TMEM185A: variants seen among roughly 807,000 people sequenced by gnomAD.
The protein encoded by TMEM185A is family with sequence similarity 11, member A.
In TMEM185A, 9 loss-of-function variants were observed where a neutral mutation model predicts 25.0. The ratio of observed to expected loss-of-function variants is 0.36; its 90% CI spans 0.22 to 0.63. The LOEUF is 0.63. Among genes scored for constraint, TMEM185A ranks in the 20% least tolerant of loss-of-function variants. TMEM185A has a pLI of 0.68. For missense variants in TMEM185A, 103 were observed against 237.4 expected (o/e 0.43, Z 3.72); for synonymous variants, 45 against 93.5 (o/e 0.48, Z 2.99).
intron 3 of TMEM185A, among the ~76,000 whole-genome samples, chrX:149,607,106 T>C (rs781948676): frequency 2.5e-4 from 28 of 111,850 alleles, no homozygotes; most frequent in African/African-American, 9.1e-4. Context: ...GGCCAAACCC[T>C]TCCTGGTGCT....
At chrX:149,614,646 A>T (rs1159026191) in intron 1 of TMEM185A, among the ~76,000 whole-genome samples, 1 of 111,948 alleles carries the variant, frequency 8.9e-6, no homozygotes, top group East Asian at 2.8e-4. Context: ...AATGAAACTA[A>T]AAGCAGTTTC....
At chrX:149,624,456 C>T (rs782057527) in intron 1 of TMEM185A, among the ~76,000 whole-genome samples, 10 of 112,186 alleles carry the variant, frequency 8.9e-5, no homozygotes, top group Non-Finnish European at 1.7e-4. Flanking sequence ...CATAAGAATG[C>T]AGCTGGACTC....
intron 1 of TMEM185A, among the ~76,000 whole-genome samples, chrX:149,622,734 T>G (rs1455284711): frequency 4.5e-5 from 5 of 111,743 alleles, no homozygotes; most frequent in African/African-American, 1.6e-4. Flanking sequence ...AGATGATGTA[T>G]CAACAAGTAA....
chrX:149,608,962 G>T (rs1270036727), intron 2 of TMEM185A, 128 bp from the exon 3 acceptor site: 16 of 596,118 alleles, frequency 2.7e-5, no homozygotes, highest in Middle Eastern at 4.9e-4. Flanking sequence ...AAAGCAAAGG[G>T]AAATCAGGTA....
At chrX:149,617,858 T>G (rs2090118469) in intron 1 of TMEM185A, among the ~76,000 whole-genome samples, 1 of 111,906 alleles carries the variant, frequency 8.9e-6, no homozygotes, top group Admixed American at 9.5e-5. Flanking sequence ...AGTAACAAAC[T>G]ATGGATGACA....
chrX:149,616,918 T>A (rs1557355092), intron 1 of TMEM185A, among the ~76,000 whole-genome samples: 1 of 112,534 alleles, frequency 8.9e-6, no homozygotes, highest in South Asian at 3.6e-4. Context: ...CACAATGTAG[T>A]ACTGGCATAA....
At chrX:149,609,844 A>C (rs1419229796) in intron 2 of TMEM185A, among the ~76,000 whole-genome samples, 1 of 112,453 alleles carries the variant, frequency 8.9e-6, no homozygotes, top group Admixed American at 9.4e-5. Flanking sequence ...GAGAAGTTTG[A>C]ATATATTCTA....
chrX:149,610,093 C>T (rs1240580902), intron 2 of TMEM185A, among the ~76,000 whole-genome samples: 2 of 111,282 alleles, frequency 1.8e-5, no homozygotes, highest in African/African-American at 6.6e-5. Context: ...ATGTAATTTA[C>T]ACAATCTGAA....
At position 149,608,690 on chromosome X, in the gene TMEM185A, G is replaced by A. The variant is rs1346489217; in HGVS notation, c.360C>T (p.Phe120=). 5 of 1,210,114 alleles carry A rather than the reference G, an allele frequency of 4.1e-6. No individual in the cohort carries two copies. The Admixed American group carries it at 1.1e-4, about 26-fold the overall frequency. ...HFWLLVFMPL[F]FVSPVSVAAC... is the part of the protein sequence containing the mutation. Reference sequence around the variant, plus strand: ...CTGCAACAGACACCGGGGAAACAAAGAACAGCGGCATGAAGACCAGGAGCC... The same window carrying A: ...CTGCAACAGACACCGGGGAAACAAAAAACAGCGGCATGAAGACCAGGAGCC... The change falls in exon 3 of 7, where the codon TTC becomes TTT. Residue 120 remains phenylalanine, a synonymous_variant. Coordinates refer to ENST00000600449, the MANE Select transcript of TMEM185A (RefSeq NM_032508.4).
intron 1 of TMEM185A, among the ~76,000 whole-genome samples, chrX:149,617,761 T>A (rs891158473): frequency 4.5e-5 from 5 of 112,291 alleles, no homozygotes; most frequent in Non-Finnish European, 9.4e-5. Context: ...TAATTGCCAC[T>A]GGTAACAACT....
rs2090048858 is a variant in TMEM185A, at chrX:149,605,908, A to G, written c.424-1838T>C. 4.5e-5 allele frequency among the ~76,000 whole-genome samples: 5 copies of G among 111,873 alleles called. No individual in the cohort carries two copies. In the South Asian group the frequency reaches 1.1e-3, roughly 25 times the overall value. On this transcript the variant is annotated intron_variant, in intron 3 of 6. Coordinates refer to ENST00000600449, the MANE Select transcript of TMEM185A (RefSeq NM_032508.4). ...GGGACCAGGCCCAGAGCTTCCCAAA[A>G]GTTCTCAGTACATAGGTACATGGGG... is the stretch of plus-strand genomic sequence containing the variant.
chrX:149,621,815 T>C (rs182054724), intron 1 of TMEM185A, among the ~76,000 whole-genome samples: 9 of 112,115 alleles, frequency 8.0e-5, no homozygotes, highest in Non-Finnish European at 1.7e-4. Flanking sequence ...CACTCTGACC[T>C]CCTTTTCTGT....
intron 4 of TMEM185A, among the ~76,000 whole-genome samples, chrX:149,602,554 G>A (rs782178701): frequency 1.8e-5 from 2 of 112,333 alleles, no homozygotes; most frequent in African/African-American, 6.5e-5. Context: ...GATCTCAATA[G>A]GCTTCCTTGT....
intron 1 of TMEM185A, among the ~76,000 whole-genome samples, chrX:149,615,923 C>G (rs1230782192): frequency 2.7e-5 from 3 of 112,135 alleles, no homozygotes; most frequent in Non-Finnish European, 5.6e-5. Context: ...AGTTGGAGAT[C>G]AGGATGCCAG....
chrX:149,621,570 A>G lies in TMEM185A; in HGVS notation c.38+9973T>C, dbSNP rs782162858. ...CTGCCACAAACCTAGTGGTTTAAAA[A>G]GCATAAACCTAGTGGTTTAAAAGGC... On this transcript the variant is annotated intron_variant, in intron 1 of 6. Transcript: ENST00000600449. Among the ~76,000 whole-genome samples the G allele has an allele frequency of 7.1e-5, 8 of 112,282 alleles. No homozygotes were observed. The East Asian group carries it at 1.7e-3, about 23-fold the overall frequency.
chrX:149,613,386 G>A (rs927027546), intron 1 of TMEM185A, among the ~76,000 whole-genome samples: 5 of 112,022 alleles, frequency 4.5e-5, no homozygotes, highest in Non-Finnish European at 7.5e-5. Flanking sequence ...TTTGAACATG[G>A]AGGTAAGGAA....
In TMEM185A at chrX:149,619,475, TTATAG is replaced by T. The variant is rs782283178; in HGVS notation, c.39-8017_39-8013del. On this transcript the variant is annotated intron_variant, in intron 1 of 6. Coordinates refer to ENST00000600449, the MANE Select transcript of TMEM185A (RefSeq NM_032508.4). ...GTGTGTGTGATAGAAGCATCTTTTA[TTATAG>T]TATTTTTGTCTTTTTTTTTCTTTTT... 9.3e-3 allele frequency among the ~76,000 whole-genome samples: 1,036 copies of T among 111,438 alleles called. 5 individuals carry two copies. Among genetic ancestry groups the T allele is most frequent in the Non-Finnish European group, 0.014 (744 of 53,018 alleles).
chrX:149,621,451 C>T (rs2090139521), intron 1 of TMEM185A, among the ~76,000 whole-genome samples: 1 of 111,742 alleles, frequency 8.9e-6, no homozygotes, highest in South Asian at 3.8e-4. Flanking sequence ...CAAAAGGACC[C>T]ACAAAATATA....
intron 2 of TMEM185A, among the ~76,000 whole-genome samples, chrX:149,610,842 T>A (rs1357743361): frequency 2.7e-5 from 3 of 110,542 alleles, no homozygotes; most frequent in African/African-American, 9.9e-5. Context: ...GGTCTCCTGG[T>A]CAAGCCACCT....
Sources: gnomAD v4.1 joint callset for allele counts (sites outside exome capture counted in the v4.1 genomes callset) on GRCh38, gnomAD v4.1.1 for gene constraint, MANE v1.5 for transcripts, NCBI Gene and HGNC (gene_info 2026-07-23, HGNC 2026-07-21) for gene names.